Variants in PAK2 observed in about 807,000 individuals in gnomAD.
The protein encoded by PAK2 is serine/threonine-protein kinase PAK 2.
Under a neutral mutation model 65.9 loss-of-function variants are expected in PAK2, and 21 were observed. The observed-to-expected ratio is 0.32, with a 90% CI of 0.23 to 0.46. The LOEUF (loss-of-function observed/expected upper bound fraction) is 0.46, where lower values mean the gene tolerates loss of function less well. PAK2 is among the 20% of genes least tolerant of loss of function. The pLI, the probability that PAK2 is intolerant of heterozygous loss-of-function variation, is 1.00. For missense variants in PAK2, 324 were observed against 642.6 expected (o/e 0.50, Z 5.36); for synonymous variants, 204 against 219.7 (o/e 0.93, Z 0.63).
intron 1 of PAK2, among the ~76,000 whole-genome samples, chr3:196,757,625 C>A (rs1477029822): frequency 6.6e-6 from 1 of 152,128 alleles, no homozygotes; most frequent in African/African-American, 2.4e-5. Context: ...TTTCCAGGCG[C>A]TTCCTGTTGC....
chr3:196,808,083 C>T (rs547837291), intron 7 of PAK2, 169 bp downstream of exon 7: 2 of 570,904 alleles, frequency 3.5e-6, no homozygotes, highest in South Asian at 4.5e-5. Flanking sequence ...TCACCAGGTT[C>T]ACCCCTAAAT....
intron 1 of PAK2, among the ~76,000 whole-genome samples, chr3:196,749,829 GT>G (rs77020093): frequency 0.46 from 68,505 of 149,114 alleles, 16,020 homozygotes; most frequent in Non-Finnish European, 0.52. Flanking sequence ...ATTGTTTTCT[GT>G]TTTTTTTTTG....
intron 1 of PAK2, among the ~76,000 whole-genome samples, chr3:196,750,143 C>T (rs997723045): frequency 6.6e-6 from 1 of 151,930 alleles, no homozygotes; most frequent in East Asian, 1.9e-4. Context: ...CCTGCCACCA[C>T]GCCTGGCTAA....
At chr3:196,752,432 C>T (rs844542) in intron 1 of PAK2, among the ~76,000 whole-genome samples, 70,806 of 152,038 alleles carry the variant, frequency 0.47, 16,975 homozygotes, top group Non-Finnish European at 0.53. Flanking sequence ...TGTTTTGACT[C>T]TTCCTATATC....
intron 2 of PAK2, among the ~76,000 whole-genome samples, chr3:196,790,595 G>A (rs1456760490): frequency 6.6e-6 from 1 of 152,086 alleles, no homozygotes; most frequent in Non-Finnish European, 1.5e-5. Flanking sequence ...CAAAGCTAAG[G>A]TGTAACATGT....
intron 1 of PAK2, among the ~76,000 whole-genome samples, chr3:196,771,071 A>G (rs1714345521): frequency 6.6e-6 from 1 of 151,868 alleles, no homozygotes; most frequent in African/African-American, 2.4e-5. Flanking sequence ...TGTTATTTTA[A>G]ACTTAATTGA....
rs1166043204 is a variant in PAK2, at chr3:196,803,006, C to G, written c.289-11C>G. Reference sequence around the variant, plus strand: ...TAAACCATAACTAATTTCTGAATATCTTCTTGTTAGGGCATGCCAGAACAG... The same window carrying G: ...TAAACCATAACTAATTTCTGAATATGTTCTTGTTAGGGCATGCCAGAACAG... On this transcript the variant is annotated splice_polypyrimidine_tract_variant and intron_variant, in intron 3 of 14. Coordinates refer to ENST00000327134, the MANE Select transcript of PAK2 (RefSeq NM_002577.4). 1 of 1,532,422 alleles carries G rather than the reference C, an allele frequency of 6.5e-7. No individual in the cohort carries two copies. The highest frequency in any genetic ancestry group is 1.4e-5 in the African/African-American group (1 of 70,442). The allele number at this position is 1,532,422 out of a possible 1,614,324, so 94.9% of individuals were successfully genotyped here.
rs1267616096 is a variant in PAK2, at chr3:196,791,461, TA to T, written c.187+8629del. Reference sequence around the variant, plus strand: ...TCCTATCATATATGAAACTTTAATATATTTCTCTAAACTCTTAACGTTTCCA... The same window carrying T: ...TCCTATCATATATGAAACTTTAATATTTTCTCTAAACTCTTAACGTTTCCA... On this transcript the variant is annotated intron_variant, in intron 2 of 14. Coordinates refer to ENST00000327134, the MANE Select transcript of PAK2 (RefSeq NM_002577.4). This position sits in a 1 kb window ranked among gnomAD's most constrained non-coding sequence, Gnocchi z 4.0. Among the ~76,000 whole-genome samples, 4 of 152,208 alleles carry T rather than the reference TA, an allele frequency of 2.6e-5. No homozygotes were observed. The highest frequency in any genetic ancestry group is 4.4e-5 in the Non-Finnish European group (3 of 68,040).
chr3:196,810,622 A>C lies in PAK2; in HGVS notation c.742A>C (p.Lys248Gln). The C allele has an allele frequency of 6.4e-7, 1 of 1,565,536 alleles. No homozygotes were observed. The highest frequency in any genetic ancestry group is 8.8e-7 in the Non-Finnish European group (1 of 1,136,402). The change falls in exon 8 of 15, where the codon AAA (lysine) becomes CAA (glutamine). Residue 248 changes from lysine (K) to glutamine (Q), a missense_variant. By Grantham distance (53) the Lys-to-Gln change is moderately conservative. Around this residue, in one of 5 missense-constraint regions of PAK2, gnomAD observed 183 missense variants for 246.2 expected, o/e 0.74. Transcript: ENST00000327134. ...CGTGAGCATAGGTGACCCTAAGAAA[A>C]AATATACAAGATATGAAAAAATTGG... ...TIVSIGDPKKKYTRYEKIGQG... is the reference protein window; with the variant it reads ...TIVSIGDPKKQYTRYEKIGQG...
chr3:196,816,954 T>G (rs971150280), intron 11 of PAK2, among the ~76,000 whole-genome samples: 90 of 152,200 alleles, frequency 5.9e-4, no homozygotes, highest in African/African-American at 2.0e-3. Flanking sequence ...AACATCTTCT[T>G]TCTGATGAAC....
chr3:196,751,519 C>T (rs1416988549), intron 1 of PAK2, among the ~76,000 whole-genome samples: 2 of 150,280 alleles, frequency 1.3e-5, no homozygotes, highest in Admixed American at 1.3e-4. Flanking sequence ...TGGTGGCACG[C>T]ACCTGTAATC....
intron 10 of PAK2, among the ~76,000 whole-genome samples, chr3:196,814,105 C>T (rs1715917053): frequency 6.6e-6 from 1 of 152,154 alleles, no homozygotes; most frequent in African/African-American, 2.4e-5. Context: ...CTATTAATAG[C>T]TGTGTGCCCT....
At chr3:196,814,697 TACTC>T (rs1472998019) in intron 11 of PAK2, 129 bp downstream of exon 11, 3 of 635,962 alleles carry the variant, frequency 4.7e-6, no homozygotes, top group Non-Finnish European at 8.3e-6. Flanking sequence ...CTCTGCAAAT[TACTC>T]CATCTCCGTG....
intron 10 of PAK2, 112 bp downstream of exon 10, chr3:196,812,963 G>T: frequency 1.7e-6 from 1 of 603,368 alleles, no homozygotes; most frequent in Non-Finnish European, 3.0e-6. Flanking sequence ...CGAGAAATAA[G>T]ATGGAAGAAA....
intron 2 of PAK2, 68 bp downstream of exon 2, chr3:196,782,901 A>G: frequency 9.7e-7 from 1 of 1,034,836 alleles, no homozygotes; most frequent in East Asian, 2.4e-5. Context: ...CATGTTGATA[A>G]CTTTTATGGT....
At chr3:196,810,530 A>G in intron 7 of PAK2, 60 bp from the exon 8 acceptor site, 2 of 861,396 alleles carry the variant, frequency 2.3e-6, no homozygotes, top group African/African-American at 1.7e-5. Context: ...GAATAATAAT[A>G]TCACAATCAA....
chr3:196,745,829 AAAG>A (rs72368034), intron 1 of PAK2, among the ~76,000 whole-genome samples: 3,033 of 151,676 alleles, frequency 0.02, 100 homozygotes, highest in Admixed American at 0.096. Context: ...AAAAAAAAAA[AAAG>A]AAGAAGTAGT....
At chr3:196,780,032 G>C (rs1354752667) in intron 1 of PAK2, among the ~76,000 whole-genome samples, 2 of 152,202 alleles carry the variant, frequency 1.3e-5, no homozygotes, top group Non-Finnish European at 2.9e-5. Context: ...ATGCACACTG[G>C]TAGTAGCCCA....
intron 2 of PAK2, among the ~76,000 whole-genome samples, chr3:196,795,435 C>G (rs1026577693): frequency 1.3e-5 from 2 of 152,072 alleles, no homozygotes; most frequent in Admixed American, 1.3e-4. Context: ...CCACTGCACT[C>G]CGGCCTGGGT....
Sources: gnomAD v4.1 joint callset for allele counts (sites outside exome capture counted in the v4.1 genomes callset) on GRCh38, gnomAD v4.1.1 for gene constraint, gnomAD v4.1.1 regional missense constraint, Gnocchi (gnomAD v3.1) non-coding constraint, MANE v1.5 for transcripts, NCBI Gene and HGNC (gene_info 2026-07-23, HGNC 2026-07-21) for gene names.